MORC3: variants seen among roughly 807,000 people sequenced by gnomAD.
MORC3 encodes MORC family CW-type zinc finger protein 3.
A neutral mutation model predicts 109.1 loss-of-function variants in MORC3; 31 were observed. That is an observed-to-expected ratio of 0.28 (90% CI 0.21 to 0.38). The LOEUF is 0.38. Ranked by LOEUF, MORC3 falls within the 10% of genes least tolerant of loss-of-function variation. MORC3 has a pLI of 1.00. For missense variants in MORC3, 867 were observed against 1,135.8 expected, an observed-to-expected ratio of 0.76 and a Z score of 3.40; for synonymous variants, 395 against 380.7, an observed-to-expected ratio of 1.04 and a Z score of -0.44.
At chr21:36,371,368 T>G (rs751610991) in intron 15 of MORC3, among the ~76,000 whole-genome samples, 28 of 152,200 alleles carry the variant, frequency 1.8e-4, no homozygotes, top group Non-Finnish European at 3.4e-4. Context: ...AAACCCATCA[T>G]AGGTTGGAAA....
chr21:36,361,923 T>A, intron 12 of MORC3: 1 of 502,316 alleles, frequency 2.0e-6, no homozygotes, highest in Non-Finnish European at 3.6e-6. Context: ...AGCCTGTGAT[T>A]CTGGACTGAG....
At chr21:36,353,937 G>C (rs979149030) in intron 9 of MORC3, among the ~76,000 whole-genome samples, 1 of 151,228 alleles carries the variant, frequency 6.6e-6, no homozygotes, top group Non-Finnish European at 1.5e-5. Flanking sequence ...CGGGCATGGT[G>C]GTGGGCACTT....
intron 7 of MORC3, 99 bp from the exon 8 acceptor site, chr21:36,344,813 C>G: frequency 6.3e-7 from 1 of 1,593,362 alleles, no homozygotes; most frequent in South Asian, 1.1e-5. Flanking sequence ...CTAGCTTTGC[C>G]CTCCTTTGTG....
chr21:36,343,349 C>T (rs1601522040), intron 6 of MORC3, among the ~76,000 whole-genome samples: 1 of 152,068 alleles, frequency 6.6e-6, no homozygotes, highest in Admixed American at 6.6e-5. Context: ...CTGCCTCGGC[C>T]TCACAAAGTG....
intron 9 of MORC3, among the ~76,000 whole-genome samples, chr21:36,353,288 C>T (rs977903132): frequency 1.7e-4 from 22 of 128,824 alleles, no homozygotes; most frequent in Middle Eastern, 5.9e-3. Context: ...ACCAGGGAGT[C>T]GGAGGTTGCA....
chr21:36,341,236 C>T (rs574340212), intron 5 of MORC3, among the ~76,000 whole-genome samples, 163 bp from the exon 6 acceptor site: 3 of 152,214 alleles, frequency 2.0e-5, no homozygotes, highest in South Asian at 4.2e-4. Flanking sequence ...ATCCAGGATC[C>T]GTTTTCTTTC....
At chr21:36,363,315 G>A (rs2085741546) in intron 13 of MORC3, among the ~76,000 whole-genome samples, 1 of 152,120 alleles carries the variant, frequency 6.6e-6, no homozygotes, top group Non-Finnish European at 1.5e-5. Context: ...TCAGGAGGCT[G>A]AGGCACAAGA....
chr21:36,347,668 C>T (rs1011441718), intron 8 of MORC3, among the ~76,000 whole-genome samples: 2 of 152,258 alleles, frequency 1.3e-5, no homozygotes, highest in African/African-American at 4.8e-5. Flanking sequence ...GACTGTGGAA[C>T]ATCCTTGGAA....
chr21:36,334,024 T>C (rs1317098042), intron 2 of MORC3, among the ~76,000 whole-genome samples: 6 of 151,902 alleles, frequency 3.9e-5, no homozygotes, highest in African/African-American at 1.5e-4. Context: ...CCTGACCTCG[T>C]GATCCGCCTG....
chr21:36,337,817 C>T lies in MORC3; in HGVS notation c.331C>T (p.Leu111=). ...TGGCTTCAAGTCGGGTTCTATGCGT[C>T]TGGGTAAAGACGCAATCGTTTTTAC... ...GNGFKSGSMR[L]GKDAIVFTKN... The change falls in exon 4 of 17, where the codon CTG becomes TTG. Residue 111 remains leucine (L), a synonymous_variant. Transcript: ENST00000400485. 6.2e-7 allele frequency: 1 copy of T among 1,614,160 alleles called. No homozygotes were observed. The highest frequency in any genetic ancestry group is 8.5e-7 in the Non-Finnish European group (1 of 1,180,042).
Position 36,369,162 on chromosome 21 carries a change from A to G in MORC3, c.1794A>G (p.Ser598=), listed in dbSNP as rs2085818783. 6.2e-7 allele frequency: 1 copy of G among 1,614,226 alleles called. No homozygotes were observed. ...TAGATCATGATATTGACATGAAATCAGAACAGAGTCACGTTGAGCAAGGTG... is the reference window on the plus strand; with the variant it reads ...TAGATCATGATATTGACATGAAATCGGAACAGAGTCACGTTGAGCAAGGTG... ...PAVDHDIDMK[S]EQSHVEQGGV... The change falls in exon 15 of 17, where the codon TCA becomes TCG. Residue 598 remains serine (S), a synonymous_variant. Transcript: ENST00000400485.
At position 36,339,535 on chromosome 21, in the gene MORC3, AG is replaced by A. The variant is rs1032179735; in HGVS notation, c.608+615del. On this transcript the variant is annotated intron_variant, in intron 5 of 16. Coordinates refer to ENST00000400485, the MANE Select transcript of MORC3 (RefSeq NM_015358.3). ...AAAAAAAAAAAGAAAAAAGAAAAAA[AG>A]CAATGAGAAGACAAATTCAGGAGGA... is the stretch of plus-strand genomic sequence containing the variant. 1.7e-4 allele frequency: 25 copies of A among 151,442 alleles called. No homozygotes were observed. The South Asian group carries it at 5.1e-3, about 31-fold the overall frequency. 9.4% of individuals were successfully genotyped at this position (151,442 alleles called of 1,614,324 possible). A position where few individuals can be genotyped will look rare whatever the true frequency, so the allele number is the denominator to read the frequency against.
chr21:36,320,433 G>T, intron 1 of MORC3, 130 bp downstream of exon 1: 1 of 923,120 alleles, frequency 1.1e-6, no homozygotes, highest in Non-Finnish European at 1.4e-6. Context: ...GGGGCCCGGG[G>T]AGGGGGCGGC....
chr21:36,371,705 CATT>C (rs1365529457), intron 15 of MORC3, among the ~76,000 whole-genome samples: 4 of 151,772 alleles, frequency 2.6e-5, no homozygotes, highest in African/African-American at 7.3e-5. Context: ...AGCATAAACT[CATT>C]ATTGTAACTT....
chr21:36,364,379 A>G (rs983872048), intron 14 of MORC3, 120 bp downstream of exon 14: 3 of 1,108,408 alleles, frequency 2.7e-6, no homozygotes, highest in African/African-American at 1.6e-5. Flanking sequence ...TGTAGGTTCC[A>G]TGAATGTGAA....
chr21:36,366,119 T>G (rs1292430031), intron 14 of MORC3, among the ~76,000 whole-genome samples: 1 of 152,186 alleles, frequency 6.6e-6, no homozygotes, highest in East Asian at 1.9e-4. Context: ...GGGGTATGAA[T>G]GATACCATCG....
intron 1 of MORC3, among the ~76,000 whole-genome samples, chr21:36,322,109 G>C (rs568191410): frequency 3.9e-5 from 6 of 152,148 alleles, no homozygotes; most frequent in Non-Finnish European, 2.9e-5. Context: ...CCCAGCACCT[G>C]TTTTTGTGTG....
chr21:36,371,334 A>C (rs765779191), intron 15 of MORC3, among the ~76,000 whole-genome samples: 1 of 152,144 alleles, frequency 6.6e-6, no homozygotes, highest in African/African-American at 2.4e-5. Context: ...ATGCTCCTCA[A>C]CTTATGATGG....
chr21:36,347,705 G>T (rs2085525278), intron 8 of MORC3, among the ~76,000 whole-genome samples: 1 of 152,204 alleles, frequency 6.6e-6, no homozygotes, highest in Non-Finnish European at 1.5e-5. Flanking sequence ...CTTAGAGAAA[G>T]TGTTGATTGA....
Sources: gnomAD v4.1 joint callset for allele counts (sites outside exome capture counted in the v4.1 genomes callset) on GRCh38, gnomAD v4.1.1 for gene constraint, MANE v1.5 for transcripts, NCBI Gene and HGNC (gene_info 2026-07-23, HGNC 2026-07-21) for gene names.